SCML4: variants seen among roughly 807,000 people sequenced by gnomAD.
SCML4 encodes the protein sex comb on midleg-like protein 4.
SCML4 carries 34 observed loss-of-function variants against 41.1 expected under a neutral mutation model. That is an observed-to-expected ratio of 0.83 (90% CI 0.63 to 1.10). SCML4 has a LOEUF of 1.10. Ranked by LOEUF, SCML4 falls within the 50% of genes least tolerant of loss-of-function variation. The probability of loss-of-function intolerance (pLI) is 0.00; values close to 1 mark genes in which losing one functional copy is unlikely to be tolerated. For synonymous variants in SCML4, 214 were observed against 220.9 expected (o/e 0.97, Z 0.28); for missense variants, 522 against 534.1 (o/e 0.98, Z 0.22).
chr6:107,803,761 T>A (rs1283681357), intron 1 of SCML4, among the ~76,000 whole-genome samples: 4 of 150,644 alleles, frequency 2.7e-5, no homozygotes, highest in African/African-American at 5.0e-5. Flanking sequence ...CCCAACCCTG[T>A]GCTCTCTGAA....
chr6:107,824,972 C>T (rs1392714533), upstream of SCML4, among the ~76,000 whole-genome samples: 7 of 152,162 alleles, frequency 4.6e-5, no homozygotes, highest in South Asian at 1.5e-3. Flanking sequence ...TCATTAAAGC[C>T]GGCCCTGACT....
At chr6:107,797,904 C>A (rs1216097107) in intron 1 of SCML4, among the ~76,000 whole-genome samples, 5 of 151,880 alleles carry the variant, frequency 3.3e-5, no homozygotes, top group African/African-American at 1.2e-4. Context: ...ATCATTTATT[C>A]TGTTATGCAG....
At chr6:107,731,171 C>G (rs763437710) in intron 5 of SCML4, among the ~76,000 whole-genome samples, 1 of 152,122 alleles carries the variant, frequency 6.6e-6, no homozygotes, top group African/African-American at 2.4e-5. Flanking sequence ...CAAAACAGAG[C>G]GGCAGGGAGG....
At position 107,749,245 on chromosome 6, in the gene SCML4, C is replaced by T. The variant is rs551332745; in HGVS notation, c.286+439G>A. Among the ~76,000 whole-genome samples, 3 of 152,174 alleles carry T rather than the reference C, an allele frequency of 2.0e-5. No homozygotes were observed. In the East Asian group the frequency reaches 5.8e-4, roughly 29 times the overall value. On this transcript the variant is annotated intron_variant, in intron 3 of 7. Coordinates refer to ENST00000369020, the MANE Select transcript of SCML4 (RefSeq NM_198081.5). The stretch of plus-strand genomic sequence containing the variant: ...TAGACAGAGATTGGGATACCTGCTA[C>T]CCTGACTGGGTTGGAGGGTAGTGGG...
rs1035158692 is a variant in SCML4, at chr6:107,772,291, G to A, written c.37C>T (p.Arg13Ter). 7 of 1,551,446 alleles carry A rather than the reference G, an allele frequency of 4.5e-6. No individual in the cohort carries two copies. The highest frequency in any genetic ancestry group is 2.4e-5 in the East Asian group (1 of 40,918). ...SQRIPGRKRG[R>*]PSLHSTPMKM... is the part of the protein sequence containing the mutation. ...ATAGGCGTGGAGTGAAGTGAGGGTCGGCCTCGCTTTCTCCCCGGGATCCTT... is the reference window on the plus strand; with the variant it reads ...ATAGGCGTGGAGTGAAGTGAGGGTCAGCCTCGCTTTCTCCCCGGGATCCTT... Residue 13 changes from arginine (R) to a stop codon, truncating the protein, a stop_gained, in exon 2 of 8, where the codon CGA becomes TGA. Transcript: ENST00000369020. LOFTEE classifies it high-confidence loss of function.
intron 4 of SCML4, 68 bp from the exon 5 acceptor site, chr6:107,745,211 G>A: frequency 8.2e-7 from 1 of 1,214,730 alleles, no homozygotes; most frequent in Middle Eastern, 2.0e-4. Context: ...ATCGGCCGTG[G>A]TGAGGATTTT....
Position 107,773,369 on chromosome 6 carries a change from A to G in SCML4, c.-59-983T>C, listed in dbSNP as rs116408269. ...CACTTTGGGAAGCTGAGGCTGCTGG[A>G]TCACTTGAGCCTAGGAGTTCGAGAC... On this transcript the variant is annotated intron_variant, in intron 1 of 7. Coordinates refer to ENST00000369020, the MANE Select transcript of SCML4 (RefSeq NM_198081.5). 8.2e-3 allele frequency among the ~76,000 whole-genome samples: 1,245 copies of G among 152,234 alleles called. 20 individuals carry two copies. Among genetic ancestry groups the G allele is most frequent in the African/African-American group, 0.028 (1,179 of 41,560 alleles).
At chr6:107,831,860 T>C in the SCML4 span, among the ~76,000 whole-genome samples, 1 of 151,532 alleles carries the variant, frequency 6.6e-6, no homozygotes, top group African/African-American at 2.4e-5. Context: ...GAGACCATCC[T>C]GGCTAACACG....
chr6:107,716,911 A>G (rs533557377), intron 6 of SCML4, among the ~76,000 whole-genome samples: 1 of 151,720 alleles, frequency 6.6e-6, no homozygotes, highest in Admixed American at 6.6e-5. Context: ...CTCCCCACCC[A>G]CTTCCTCTGT....
chr6:107,828,774 C>G (rs1583694891), upstream of SCML4, among the ~76,000 whole-genome samples: 1 of 152,152 alleles, frequency 6.6e-6, no homozygotes, highest in Admixed American at 6.5e-5. Flanking sequence ...TCAGACTACA[C>G]AAGAGTGGGT....
At chr6:107,830,620 A>C in the SCML4 span, among the ~76,000 whole-genome samples, 51 of 152,326 alleles carry the variant, frequency 3.3e-4, no homozygotes, top group African/African-American at 1.2e-3. Context: ...TTACTGAATG[A>C]ATGAAAGAAA....
intron 1 of SCML4, among the ~76,000 whole-genome samples, chr6:107,800,702 G>A (rs1244264024): frequency 6.6e-6 from 1 of 152,012 alleles, no homozygotes; most frequent in Non-Finnish European, 1.5e-5. Flanking sequence ...TGTTATACTG[G>A]GGCCCAATTC....
At chr6:107,735,420 CCTTT>C (rs1776958419) in intron 5 of SCML4, among the ~76,000 whole-genome samples, 1 of 152,120 alleles carries the variant, frequency 6.6e-6, no homozygotes, top group Admixed American at 6.5e-5. Flanking sequence ...TCATTCCTTT[CCTTT>C]CTTTCTGTTT....
At chr6:107,818,081 C>A (rs1400568625) in intron 1 of SCML4, among the ~76,000 whole-genome samples, 1 of 152,192 alleles carries the variant, frequency 6.6e-6, no homozygotes, top group Admixed American at 6.5e-5. Context: ...CCAGCTTCTT[C>A]CCCCCACTGT....
intron 6 of SCML4, among the ~76,000 whole-genome samples, chr6:107,715,429 A>T (rs1213867165): frequency 6.6e-6 from 1 of 150,746 alleles, no homozygotes; most frequent in Non-Finnish European, 1.5e-5. Flanking sequence ...CAACCACAGG[A>T]GGCATTTGGG....
At chr6:107,769,972 G>T (rs774540921) in intron 2 of SCML4, among the ~76,000 whole-genome samples, 9 of 152,118 alleles carry the variant, frequency 5.9e-5, no homozygotes, top group Non-Finnish European at 1.2e-4. Context: ...ATCTTACTTT[G>T]CTTGGTCAGG....
chr6:107,738,288 T>G (rs894387995), intron 5 of SCML4, among the ~76,000 whole-genome samples: 1 of 152,214 alleles, frequency 6.6e-6, no homozygotes, highest in African/African-American at 2.4e-5. Flanking sequence ...GAACTCTAAC[T>G]TCCAGGCTGA....
chr6:107,708,799 G>A (rs1252633806), intron 6 of SCML4, among the ~76,000 whole-genome samples: 1 of 152,218 alleles, frequency 6.6e-6, no homozygotes, highest in East Asian at 1.9e-4. Flanking sequence ...CAGGTGAAAA[G>A]GCTCAGGACA....
At chr6:107,754,593 C>T (rs959211486) in intron 2 of SCML4, among the ~76,000 whole-genome samples, 21 of 152,200 alleles carry the variant, frequency 1.4e-4, no homozygotes, top group African/African-American at 4.8e-4. Context: ...GCTTAAAGCC[C>T]TTAACTGCCA....
Sources: gnomAD v4.1 joint callset for allele counts (sites outside exome capture counted in the v4.1 genomes callset) on GRCh38, gnomAD v4.1.1 for gene constraint, MANE v1.5 for transcripts, NCBI Gene and HGNC (gene_info 2026-07-23, HGNC 2026-07-21) for gene names.